NCAM2: variants seen among roughly 807,000 people sequenced by gnomAD.
The protein encoded by NCAM2 is N-CAM-2.
In NCAM2, 30 loss-of-function variants were observed where a neutral mutation model predicts 98.1. That is an observed-to-expected ratio of 0.31 (90% CI 0.23 to 0.41). The LOEUF is 0.41. NCAM2 is among the 10% of genes least tolerant of loss of function. NCAM2 has a pLI of 1.00. For missense variants in NCAM2, 867 were observed against 1,005.8 expected (o/e 0.86, Z 1.87); for synonymous variants, 368 against 342.4 (o/e 1.07, Z -0.83).
chr21:21,292,879 A>C (rs7279930), intron 5 of NCAM2, among the ~76,000 whole-genome samples: 53,698 of 151,472 alleles, frequency 0.35, 10,653 homozygotes, highest in East Asian at 0.57. Context: ...ATTGACTCAC[A>C]GTTCCAAGTG....
chr21:21,256,717 A>G (rs2071688164), intron 1 of NCAM2, among the ~76,000 whole-genome samples: 1 of 152,206 alleles, frequency 6.6e-6, no homozygotes, highest in Non-Finnish European at 1.5e-5. Context: ...TTTTACATAT[A>G]TTATAGTTTG....
intron 1 of NCAM2, among the ~76,000 whole-genome samples, chr21:21,155,506 A>G (rs1217370003): frequency 6.6e-6 from 1 of 151,782 alleles, no homozygotes; most frequent in Non-Finnish European, 1.5e-5. Flanking sequence ...TATTCATCAC[A>G]TCACTATGAC....
rs187799924 is a variant in NCAM2 at position 21,542,144 on chromosome 21, C to T, written c.*4187C>T. ...GTCTTAAGATGAAACAATTTTATGT[C>T]CAAATGAGAAATTTATAAAAAGACC... On this transcript the variant is annotated 3_prime_UTR_variant, in exon 18 of 18. Transcript: ENST00000400546. 3.1e-3 allele frequency: 472 copies of T among 151,764 alleles called. 3 individuals carry two copies. Among genetic ancestry groups the T allele is most frequent in the African/African-American group, 0.011 (456 of 41,470 alleles). 9.4% of individuals were successfully genotyped at this position (151,764 alleles called of 1,614,324 possible).
chr21:21,355,764 T>C (rs1208799410), intron 8 of NCAM2, among the ~76,000 whole-genome samples: 1 of 151,706 alleles, frequency 6.6e-6, no homozygotes, highest in South Asian at 2.1e-4. Context: ...TACAGGCGCG[T>C]GCCACCACGC....
intron 9 of NCAM2, among the ~76,000 whole-genome samples, chr21:21,405,277 C>A (rs974724441): frequency 2.0e-5 from 3 of 152,020 alleles, no homozygotes. Context: ...AAAGCATACA[C>A]AATATGCCTA....
intron 9 of NCAM2, among the ~76,000 whole-genome samples, chr21:21,386,427 A>C (rs1399333689): frequency 6.6e-6 from 1 of 152,178 alleles, no homozygotes; most frequent in Non-Finnish European, 1.5e-5. Context: ...GCTCATTTGC[A>C]GACATAAATT....
chr21:21,133,815 A>G lies in NCAM2; in HGVS notation c.55+135197A>G, dbSNP rs141241902. 2.7e-3 allele frequency among the ~76,000 whole-genome samples: 414 copies of G among 152,248 alleles called. 8 individuals are homozygous for G. The South Asian group carries it at 0.041, about 15-fold the overall frequency. ...TACCCACATCCCCATCCCTTACCCA[A>G]CCAACTTTCACTGGAGGAATAGGAA... On this transcript the variant is annotated intron_variant, in intron 1 of 17. Transcript: ENST00000400546.
intron 1 of NCAM2, among the ~76,000 whole-genome samples, chr21:21,127,519 T>C (rs2066852026): frequency 6.6e-6 from 1 of 152,128 alleles, no homozygotes; most frequent in Non-Finnish European, 1.5e-5. Context: ...TCTGTAACTA[T>C]AGTAGCCTTA....
intron 1 of NCAM2, among the ~76,000 whole-genome samples, chr21:21,056,650 C>G (rs1387111793): frequency 6.6e-6 from 1 of 151,854 alleles, no homozygotes; most frequent in Non-Finnish European, 1.5e-5. Flanking sequence ...TGTGACATGG[C>G]TCTCCAGAAG....
At chr21:21,262,698 A>G (rs1261830008) in intron 1 of NCAM2, among the ~76,000 whole-genome samples, 1 of 150,380 alleles carries the variant, frequency 6.6e-6, no homozygotes, top group Admixed American at 6.6e-5. Context: ...CAAATAGGAA[A>G]AGTGGAAGTC....
chr21:21,251,683 CT>C (rs1172501374), intron 1 of NCAM2, among the ~76,000 whole-genome samples: 1 of 151,014 alleles, frequency 6.6e-6, no homozygotes, highest in Non-Finnish European at 1.5e-5. Context: ...GGTTCTAGAT[CT>C]TTGAGGAATC....
intron 1 of NCAM2, among the ~76,000 whole-genome samples, chr21:21,091,278 A>G (rs1009352659): frequency 2.0e-5 from 3 of 152,142 alleles, no homozygotes; most frequent in African/African-American, 7.2e-5. Context: ...GCTTATTATT[A>G]CAGTCTTTTT....
chr21:21,106,823 C>A (rs1027386549), intron 1 of NCAM2, among the ~76,000 whole-genome samples: 2 of 151,948 alleles, frequency 1.3e-5, no homozygotes, highest in Non-Finnish European at 2.9e-5. Context: ...AAACCATAGG[C>A]TAGTCACAAA....
At chr21:21,415,629 C>T (rs1218161437) in intron 10 of NCAM2, among the ~76,000 whole-genome samples, 1 of 152,126 alleles carries the variant, frequency 6.6e-6, no homozygotes, top group African/African-American at 2.4e-5. Flanking sequence ...GCCACCTCGC[C>T]CGGCCCTTAG....
chr21:21,520,623 C>T (rs1988962544), intron 16 of NCAM2, among the ~76,000 whole-genome samples: 1 of 152,154 alleles, frequency 6.6e-6, no homozygotes, highest in Non-Finnish European at 1.5e-5. Flanking sequence ...CCACTCTCTC[C>T]TAACAAACCA....
chr21:21,106,314 C>CAAAAA (rs202018731), intron 1 of NCAM2, among the ~76,000 whole-genome samples: 1,288 of 103,434 alleles, frequency 0.012, 76 homozygotes, highest in African/African-American at 0.048. Context: ...GTCTCAAAAG[C>CAAAAA]AAAAAAAAAA....
intron 10 of NCAM2, 66 bp downstream of exon 10, chr21:21,410,527 AT>A: frequency 1.1e-6 from 1 of 906,110 alleles, no homozygotes; most frequent in Non-Finnish European, 1.6e-6. Context: ...TTCAGAATAT[AT>A]TTAAATATCT....
In NCAM2 at chr21:21,243,446, G is replaced by A. The variant is rs532979716; in HGVS notation, c.56-37132G>A. Among the ~76,000 whole-genome samples the A allele has an allele frequency of 3.3e-5, 5 of 152,266 alleles. No homozygotes were observed. The South Asian group carries it at 1.0e-3, about 32-fold the overall frequency. ...TTGGTGCTATATTACCCTTTTTGGG[G>A]TTTTGGGTTTTAAGAAGTACAGACA... is the stretch of plus-strand genomic sequence containing the variant. On this transcript the variant is annotated intron_variant, in intron 1 of 17. Transcript: ENST00000400546.
rs111786295 is a variant in NCAM2 at position 21,052,423 on chromosome 21, T to C, written c.55+53805T>C. ...CAGGTGATTCACCCACCTCAGCCTC[T>C]CAAGGTAGATGTCCATTTCTTAAAT... On this transcript the variant is annotated intron_variant, in intron 1 of 17. Transcript: ENST00000400546. 9.3e-4 allele frequency among the ~76,000 whole-genome samples: 142 copies of C among 152,014 alleles called. 1 individual carries two copies. Among genetic ancestry groups the C allele is most frequent in the Admixed American group, 1.3e-3 (20 of 15,254 alleles).
Sources: allele counts gnomAD v4.1 joint callset (sites outside exome capture counted in the v4.1 genomes callset), GRCh38; gene constraint gnomAD v4.1.1; transcripts MANE v1.5; gene names NCBI Gene and HGNC (gene_info 2026-07-23, HGNC 2026-07-21).